Variants in PCDHGB2 observed in about 807,000 individuals in gnomAD.
PCDHGB2 encodes the protein protocadherin gamma-B2.
In PCDHGB2, 55 loss-of-function variants were observed where a neutral mutation model predicts 59.3. The observed-to-expected ratio is 0.93, with a 90% CI of 0.75 to 1.16. PCDHGB2 has a LOEUF of 1.16. Ranked by LOEUF, PCDHGB2 falls within the 50% of genes most tolerant of loss-of-function variation. The pLI, the probability that PCDHGB2 is intolerant of heterozygous loss-of-function variation, is 0.00. For synonymous variants in PCDHGB2, 516 were observed against 512.0 expected (o/e 1.01, Z -0.11); for missense variants, 1,228 against 1,198.5 (o/e 1.02, Z -0.36).
rs922042985 is a variant in PCDHGB2, at chr5:141,415,768, T to G, written c.2421+53212T>G. 1.6e-5 allele frequency: 22 copies of G among 1,345,224 alleles called. No homozygotes were observed. The African/African-American group carries it at 3.6e-4, about 22-fold the overall frequency. The allele number at this position is 1,345,224 out of a possible 1,614,324, so 83.3% of individuals were successfully genotyped here. ...TTTTTTTTTTTTTTTTTTTTTTTTT[T>G]TTTTACTTTCTGGTAAAATTCACCT... is the stretch of plus-strand genomic sequence containing the variant. On this transcript the variant is annotated intron_variant, in intron 1 of 3. Coordinates refer to ENST00000522605, the MANE Select transcript of PCDHGB2 (RefSeq NM_018923.3).
intron 1 of PCDHGB2, chr5:141,366,785 C>T: frequency 1.3e-6 from 2 of 1,576,144 alleles, no homozygotes; most frequent in Non-Finnish European, 8.6e-7. Flanking sequence ...ATGACCAGAA[C>T]ATTTTCATTT....
intron 1 of PCDHGB2, chr5:141,394,850 G>A (rs778925348): frequency 1.1e-5 from 17 of 1,613,702 alleles, no homozygotes; most frequent in Non-Finnish European, 1.4e-5. Context: ...GCAGTCTGAA[G>A]CCTTCGGTCG....
chr5:141,497,466 G>T (rs1047422582), intron 2 of PCDHGB2, among the ~76,000 whole-genome samples: 2 of 152,020 alleles, frequency 1.3e-5, no homozygotes, highest in African/African-American at 4.8e-5. Flanking sequence ...TGGAGATATG[G>T]AGGAGAAGGT....
At chr5:141,411,309 C>A (rs2095479833) in intron 1 of PCDHGB2, 1 of 152,130 alleles carries the variant, frequency 6.6e-6, no homozygotes, top group African/African-American at 2.4e-5. Context: ...GTGGCTCACA[C>A]CTATAATCAC....
chr5:141,431,351 C>A lies in PCDHGB2; in HGVS notation c.2422-63456C>A. On this transcript the variant is annotated intron_variant, in intron 1 of 3. Coordinates refer to ENST00000522605, the MANE Select transcript of PCDHGB2 (RefSeq NM_018923.3). The surrounding 1 kb of genome is among the most constrained non-coding windows in gnomAD (Gnocchi z 4.8). ...TAAGTACCCCGAATTGGTGCTGAAA[C>A]GCGCCCTGGACCGCGAAGAAAAGGC... The A allele has an allele frequency of 6.2e-7, 1 of 1,614,064 alleles. No individual in the cohort carries two copies. The highest frequency in any genetic ancestry group is 8.5e-7 in the Non-Finnish European group (1 of 1,180,042).
intron 1 of PCDHGB2, chr5:141,418,077 T>C (rs770464447): frequency 6.8e-6 from 11 of 1,613,914 alleles, no homozygotes; most frequent in Non-Finnish European, 8.5e-6. Flanking sequence ...GCGGAGAAGC[T>C]GCACTTCAGC....
Position 141,431,520 on chromosome 5 carries a change from A to T in PCDHGB2, c.2422-63287A>T. ...GAGTACCGCGCGAGCGTTCCGGAGA[A>T]TCTGGCCTTGGGCACGCAGCTGCTT... On this transcript the variant is annotated intron_variant, in intron 1 of 3. Transcript: ENST00000522605. The surrounding 1 kb of genome is among the most constrained non-coding windows in gnomAD (Gnocchi z 4.8). 6.2e-7 allele frequency: 1 copy of T among 1,614,068 alleles called. No homozygotes were observed. Among genetic ancestry groups the T allele is most frequent in the Non-Finnish European group, 8.5e-7 (1 of 1,180,020 alleles).
chr5:141,455,148 A>G (rs6897410), intron 1 of PCDHGB2, among the ~76,000 whole-genome samples: 9,268 of 149,002 alleles, frequency 0.062, 567 homozygotes, highest in African/African-American at 0.16. Flanking sequence ...TTAAATAAAT[A>G]TTAGTTTGTT....
chr5:141,375,314 G>A, intron 1 of PCDHGB2: 1 of 1,613,798 alleles, frequency 6.2e-7, no homozygotes, highest in South Asian at 1.1e-5. Flanking sequence ...TGCAGCTCTA[G>A]ACCGGGAAGA....
chr5:141,436,298 T>C (rs1480546595), intron 1 of PCDHGB2, among the ~76,000 whole-genome samples: 3 of 152,186 alleles, frequency 2.0e-5, no homozygotes, highest in Non-Finnish European at 4.4e-5. Flanking sequence ...CATTGAGAGT[T>C]AGAGCATGAA....
rs1284287216 is a variant in PCDHGB2 at position 141,398,423 on chromosome 5, A to C, written c.2421+35867A>C. On this transcript the variant is annotated intron_variant, in intron 1 of 3. Transcript: ENST00000522605. ...GACAGGGAGGAGATATGCGGGAAGA[A>C]GCCAGCTTGTGCTCTGGAATTTGAG... 2.0e-6 allele frequency: 3 copies of C among 1,514,696 alleles called. No individual in the cohort carries two copies. In the South Asian group the frequency reaches 3.4e-5, roughly 17 times the overall value. The allele number at this position is 1,514,696 out of a possible 1,614,324, so 93.8% of individuals were successfully genotyped here.
At chr5:141,371,461 T>C (rs1314971655) in intron 1 of PCDHGB2, 4 of 1,613,960 alleles carry the variant, frequency 2.5e-6, no homozygotes, top group Middle Eastern at 1.6e-4. Flanking sequence ...TCCCAACATA[T>C]ACAAGAAGAT....
chr5:141,377,101 A>G (rs6895700), intron 1 of PCDHGB2: 15,808 of 152,272 alleles, frequency 0.1, 1,337 homozygotes, highest in African/African-American at 0.24. Flanking sequence ...CTTTTATATC[A>G]AAAGAATGTT....
Position 141,362,328 on chromosome 5 carries a change from C to T in PCDHGB2, c.2193C>T (p.Leu731=), listed in dbSNP as rs1351863626. Residue 731 remains leucine (L), a synonymous_variant, in exon 1 of 4, where the codon CTC becomes CTT. Coordinates refer to ENST00000522605, the MANE Select transcript of PCDHGB2 (RefSeq NM_018923.3). ...SDAWDCFQPG[L]SSKPGPGVLP... ...CTTGGGACTGTTTTCAGCCTGGTCTCAGCTCCAAGCCTGGACCTGGGGTTC... is the reference window on the plus strand; with the variant it reads ...CTTGGGACTGTTTTCAGCCTGGTCTTAGCTCCAAGCCTGGACCTGGGGTTC... 3.1e-6 allele frequency: 5 copies of T among 1,614,068 alleles called. No individual in the cohort carries two copies. The highest frequency in any genetic ancestry group is 4.2e-6 in the Non-Finnish European group (5 of 1,179,908).
At chr5:141,460,795 G>A (rs1007673184) in intron 1 of PCDHGB2, among the ~76,000 whole-genome samples, 3 of 151,492 alleles carry the variant, frequency 2.0e-5, no homozygotes, top group African/African-American at 4.9e-5. Flanking sequence ...TACACACAAA[G>A]TATATATATG....
intron 1 of PCDHGB2, chr5:141,409,665 CCTACT>C (rs753951498): frequency 6.2e-7 from 1 of 1,613,576 alleles, no homozygotes; most frequent in Admixed American, 1.7e-5. Context: ...GGCCACATCT[CCTACT>C]CTATAGTGGC....
intron 1 of PCDHGB2, chr5:141,390,154 C>A: frequency 6.2e-7 from 1 of 1,614,038 alleles, no homozygotes; most frequent in African/African-American, 1.3e-5. Flanking sequence ...GTTGCACATA[C>A]AGGAAAGACG....
At position 141,394,905 on chromosome 5, in the gene PCDHGB2, G is replaced by A. The variant is rs1281710551; in HGVS notation, c.2421+32349G>A. On this transcript the variant is annotated intron_variant, in intron 1 of 3. Transcript: ENST00000522605. ...TACACTCTATCTCGTGGTGGCAGTG[G>A]CTGCCATCTCCTGTGTCTTCCTCGC... The A allele has an allele frequency of 1.2e-6, 2 of 1,613,720 alleles. No individual in the cohort carries two copies. Among genetic ancestry groups the A allele is most frequent in the Non-Finnish European group, 1.7e-6 (2 of 1,179,870 alleles).
intron 1 of PCDHGB2, among the ~76,000 whole-genome samples, chr5:141,407,816 ATAT>A (rs1270765996): frequency 6.6e-6 from 1 of 152,228 alleles, no homozygotes; most frequent in Non-Finnish European, 1.5e-5. Context: ...ATCTACTATA[ATAT>A]TATGGTGAGA....
Sources: gnomAD v4.1 joint callset for allele counts (sites outside exome capture counted in the v4.1 genomes callset) on GRCh38, gnomAD v4.1.1 for gene constraint, Gnocchi (gnomAD v3.1) non-coding constraint, MANE v1.5 for transcripts, NCBI Gene and HGNC (gene_info 2026-07-23, HGNC 2026-07-21) for gene names.